DNM3: variants seen among roughly 807,000 people sequenced by gnomAD.
The protein encoded by DNM3 is dynamin 3, also known as dynamin-3.
Under a neutral mutation model 101.6 loss-of-function variants are expected in DNM3, and 47 were observed. That is an observed-to-expected ratio of 0.46 (90% CI 0.37 to 0.59). The LOEUF (loss-of-function observed/expected upper bound fraction) is 0.59, where lower values mean the gene tolerates loss of function less well. Ranked by LOEUF, DNM3 falls within the 20% of genes least tolerant of loss-of-function variation. The pLI is 0.00. For missense variants in DNM3, 849 were observed against 1,085.7 expected, an observed-to-expected ratio of 0.78 and a Z score of 3.06; for synonymous variants, 385 against 387.9, an observed-to-expected ratio of 0.99 and a Z score of 0.09.
rs192710080 is a variant in DNM3, at chr1:172,080,945, A to G, written c.1423-887A>G. ...CCCACCCTGCTTCAGCTCACCCTCC[A>G]TGGGCTGCACCCACTGTCTAACCAG... On this transcript the variant is annotated intron_variant, in intron 11 of 20. Transcript: ENST00000627582. 3.7e-4 allele frequency among the ~76,000 whole-genome samples: 56 copies of G among 152,202 alleles called. 1 individual carries two copies. The highest frequency in any genetic ancestry group is 1.3e-3 in the African/African-American group (54 of 41,540).
At chr1:171,992,917 A>G (rs1483084257) in intron 4 of DNM3, among the ~76,000 whole-genome samples, 1 of 152,004 alleles carries the variant, frequency 6.6e-6, no homozygotes, top group Non-Finnish European at 1.5e-5. Context: ...TACAATTAAC[A>G]TCTTAATTTA....
chr1:172,273,037 A>G (rs1278808757), intron 15 of DNM3, among the ~76,000 whole-genome samples: 1 of 152,050 alleles, frequency 6.6e-6, no homozygotes, highest in East Asian at 1.9e-4. Flanking sequence ...TCATCTCAAA[A>G]TGAGGCTGTA....
intron 14 of DNM3, chr1:172,137,899 C>G (rs2057333224): frequency 1.3e-5 from 2 of 152,102 alleles, no homozygotes; most frequent in Admixed American, 6.6e-5. Flanking sequence ...GATATTTTCT[C>G]AAAAGATGTG....
At chr1:172,039,791 TTCC>T (rs2049240805) in intron 7 of DNM3, among the ~76,000 whole-genome samples, 2 of 152,116 alleles carry the variant, frequency 1.3e-5, no homozygotes, top group Non-Finnish European at 2.9e-5. Context: ...TTCTCTGTTC[TTCC>T]TCCTTCCTCT....
intron 14 of DNM3, among the ~76,000 whole-genome samples, chr1:172,186,938 A>G (rs548925720): frequency 6.6e-6 from 1 of 152,178 alleles, no homozygotes; most frequent in East Asian, 1.9e-4. Flanking sequence ...CTAAGCTCTG[A>G]AAACCTCACC....
At chr1:172,220,114 A>G (rs539396279) in intron 14 of DNM3, among the ~76,000 whole-genome samples, 5 of 152,280 alleles carry the variant, frequency 3.3e-5, no homozygotes, top group Middle Eastern at 3.4e-3. Context: ...AATCCAGCCT[A>G]AATATTTTAA....
At chr1:171,903,441 A>G (rs550995076) in intron 1 of DNM3, among the ~76,000 whole-genome samples, 4 of 152,188 alleles carry the variant, frequency 2.6e-5, no homozygotes, top group Admixed American at 2.0e-4. Context: ...CAGTAATACC[A>G]CCTTACTTTC....
At chr1:171,987,375 A>T in intron 2 of DNM3, 1 of 938,534 alleles carries the variant, frequency 1.1e-6, no homozygotes, top group Non-Finnish European at 1.3e-6. Flanking sequence ...GATAGCCAAA[A>T]TTTTCTTTAA....
chr1:172,236,093 C>A (rs963417524), intron 14 of DNM3, among the ~76,000 whole-genome samples: 1 of 152,100 alleles, frequency 6.6e-6, no homozygotes, highest in African/African-American at 2.4e-5. Context: ...AATCAGTGCT[C>A]CACTCCAAAA....
At chr1:172,381,799 C>T (rs908951828) in intron 18 of DNM3, among the ~76,000 whole-genome samples, 1 of 152,166 alleles carries the variant, frequency 6.6e-6, no homozygotes, top group East Asian at 1.9e-4. Flanking sequence ...ATTCTATTCA[C>T]TTAACCCTGC....
chr1:172,410,797 T>C lies in DNM3; in HGVS notation c.*2956T>C. 9 of 985,310 alleles carry C rather than the reference T, an allele frequency of 9.1e-6. No individual in the cohort carries two copies. The highest frequency in any genetic ancestry group is 1.1e-5 in the Non-Finnish European group (9 of 829,838). 61.0% of individuals were successfully genotyped at this position (985,310 alleles called of 1,614,324 possible). Reference sequence around the variant, plus strand: ...TGATGTAACTGTAAGCCTTCTCGACTTAGACTTAAAAAGTGGTCACATAGA... The same window carrying C: ...TGATGTAACTGTAAGCCTTCTCGACCTAGACTTAAAAAGTGGTCACATAGA... On this transcript the variant is annotated 3_prime_UTR_variant, in exon 21 of 21. Coordinates refer to ENST00000627582, the MANE Select transcript of DNM3 (RefSeq NM_015569.5).
chr1:172,236,334 G>A (rs1047330137), intron 14 of DNM3, among the ~76,000 whole-genome samples: 1 of 152,100 alleles, frequency 6.6e-6, no homozygotes, highest in African/African-American at 2.4e-5. Flanking sequence ...GTAGTACGAT[G>A]TTTTTGTTAT....
intron 1 of DNM3, among the ~76,000 whole-genome samples, chr1:171,861,990 C>T (rs1455599271): frequency 6.6e-6 from 1 of 152,086 alleles, no homozygotes; most frequent in African/African-American, 2.4e-5. Flanking sequence ...TGCTCAACAT[C>T]AGTAGTCAGT....
chr1:172,159,245 G>A (rs2058457320), intron 14 of DNM3, among the ~76,000 whole-genome samples: 1 of 152,050 alleles, frequency 6.6e-6, no homozygotes, highest in Non-Finnish European at 1.5e-5. Flanking sequence ...TTACCTGTGT[G>A]TGAGTCCTAC....
intron 1 of DNM3, among the ~76,000 whole-genome samples, chr1:171,913,439 A>G (rs2039460064): frequency 6.6e-6 from 1 of 152,216 alleles, no homozygotes; most frequent in South Asian, 2.1e-4. Context: ...ATATGCCAAT[A>G]ATTTAGAGAA....
intron 14 of DNM3, among the ~76,000 whole-genome samples, chr1:172,194,185 T>C (rs1373997885): frequency 1.3e-5 from 2 of 152,190 alleles, no homozygotes; most frequent in Non-Finnish European, 2.9e-5. Context: ...GTGAGTTTCT[T>C]AATCCTGAGT....
intron 1 of DNM3, among the ~76,000 whole-genome samples, chr1:171,908,503 T>C (rs758982197): frequency 1.3e-5 from 2 of 152,158 alleles, no homozygotes; most frequent in Non-Finnish European, 2.9e-5. Flanking sequence ...AGGAGATTTC[T>C]ATCTTTTTTC....
At chr1:172,088,079 A>G (rs16843819) in intron 12 of DNM3, among the ~76,000 whole-genome samples, 5,611 of 152,308 alleles carry the variant, frequency 0.037, 247 homozygotes, top group East Asian at 0.14. Context: ...ACAGAATTCC[A>G]TACGTATTTC....
Position 172,253,619 on chromosome 1 carries a change from G to C in DNM3, c.1706G>C (p.Arg569Pro), listed in dbSNP as rs1473847151. 7 of 1,593,892 alleles carry C rather than the reference G, an allele frequency of 4.4e-6. No homozygotes were observed. The highest frequency in any genetic ancestry group is 1.7e-6 in the Non-Finnish European group (2 of 1,170,002). The change falls in exon 15 of 21, where the codon CGG becomes CCG. Residue 569 changes from arginine to proline, a missense_variant. By Grantham distance (103) the Arg-to-Pro change is moderately radical. Coordinates refer to ENST00000627582, the MANE Select transcript of DNM3 (RefSeq NM_015569.5). Reference sequence around the variant, plus strand: ...CTTCCCTTGGACAACCTGAAAGTTCGGGATGTGGAAAAGAGCTTTATGTCT... The same window carrying C: ...CTTCCCTTGGACAACCTGAAAGTTCCGGATGTGGAAAAGAGCTTTATGTCT... Reference protein sequence around the residue: ...YMLPLDNLKVRDVEKSFMSSK... With the variant: ...YMLPLDNLKVPDVEKSFMSSK...
Sources: allele counts gnomAD v4.1 joint callset (sites outside exome capture counted in the v4.1 genomes callset), GRCh38; gene constraint gnomAD v4.1.1; transcripts MANE v1.5; gene names NCBI Gene and HGNC (gene_info 2026-07-23, HGNC 2026-07-21).